The following OSBPL11 variants were observed in gnomAD, a reference collection of about 807,000 sequenced individuals.
OSBPL11 encodes oxysterol-binding protein-related protein 11.
In OSBPL11, 33 loss-of-function variants were observed where a neutral mutation model predicts 84.4. The observed-to-expected ratio is 0.39, with a 90% CI of 0.30 to 0.52. OSBPL11 has a LOEUF of 0.52. Ranked by LOEUF, OSBPL11 falls within the 20% of genes least tolerant of loss-of-function variation. The probability of loss-of-function intolerance (pLI) is 0.72; values close to 1 mark genes in which losing one functional copy is unlikely to be tolerated. For missense variants in OSBPL11, 736 were observed against 901.1 expected, an observed-to-expected ratio of 0.82 and a Z score of 2.35; for synonymous variants, 276 against 310.2, an observed-to-expected ratio of 0.89 and a Z score of 1.16.
chr3:125,565,552 A>C (rs1468700184), intron 6 of OSBPL11, among the ~76,000 whole-genome samples: 1 of 152,242 alleles, frequency 6.6e-6, no homozygotes, highest in Non-Finnish European at 1.5e-5. Flanking sequence ...ACAGGGCAAA[A>C]GAAACAAAAA....
chr3:125,553,806 T>C (rs1051806145), intron 8 of OSBPL11, among the ~76,000 whole-genome samples: 8 of 152,256 alleles, frequency 5.3e-5, no homozygotes, highest in African/African-American at 1.9e-4. Context: ...ACAGTGGATG[T>C]TGCAGGTTCA....
intron 6 of OSBPL11, among the ~76,000 whole-genome samples, chr3:125,566,883 C>G (rs1425766329): frequency 6.6e-6 from 1 of 151,728 alleles, no homozygotes; most frequent in African/African-American, 2.4e-5. Flanking sequence ...CTCCTGGGCT[C>G]GGGATCCTCC....
chr3:125,552,147 A>G lies in OSBPL11; in HGVS notation c.1654+34T>C, dbSNP rs756731716. 163 of 910,462 alleles carry G rather than the reference A, an allele frequency of 1.8e-4. 6 individuals carry two copies. The highest frequency in any genetic ancestry group is 1.5e-3 in the South Asian group (49 of 33,412). 56.4% of individuals were successfully genotyped at this position (910,462 alleles called of 1,614,324 possible). ...CATATATATATGTGTGTGTGTATAT[A>G]TATATATATATATAAAATAATTTTT... On this transcript the variant is annotated intron_variant, in intron 9 of 12. Transcript: ENST00000296220.
chr3:125,594,485 T>A, intron 1 of OSBPL11, 152 bp downstream of exon 1: 1 of 877,676 alleles, frequency 1.1e-6, no homozygotes, highest in Non-Finnish European at 1.7e-6. Context: ...TTAAATCTTT[T>A]AGGCGAGGTC....
intron 3 of OSBPL11, 29 bp from the exon 4 acceptor site, chr3:125,579,068 T>C (rs1289772002): frequency 1.9e-5 from 28 of 1,439,882 alleles, no homozygotes; most frequent in Non-Finnish European, 2.5e-5. Flanking sequence ...AATTATTTTA[T>C]ATTTATTTAT....
intron 10 of OSBPL11, among the ~76,000 whole-genome samples, chr3:125,545,892 TA>T (rs1298949555): frequency 6.6e-6 from 1 of 152,004 alleles, no homozygotes; most frequent in Admixed American, 6.6e-5. Flanking sequence ...AGAGAGCAGT[TA>T]AAAAAACTAG....
intron 9 of OSBPL11, among the ~76,000 whole-genome samples, chr3:125,551,767 G>C (rs1389616890): frequency 6.6e-6 from 1 of 151,640 alleles, no homozygotes; most frequent in Non-Finnish European, 1.5e-5. Context: ...GACAGAGCGA[G>C]ACTCCATCTC....
At chr3:125,578,912 A>C in intron 4 of OSBPL11, 48 bp downstream of exon 4, 42 of 1,146,298 alleles carry the variant, frequency 3.7e-5, no homozygotes, top group Non-Finnish European at 4.8e-5. Flanking sequence ...AATAAAAAAT[A>C]TTCCTTCCTC....
intron 5 of OSBPL11, among the ~76,000 whole-genome samples, chr3:125,571,825 C>A (rs189138718): frequency 2.0e-5 from 3 of 152,230 alleles, no homozygotes; most frequent in African/African-American, 7.2e-5. Context: ...TCATGGAGAA[C>A]CTCTGCTAGG....
intron 2 of OSBPL11, among the ~76,000 whole-genome samples, chr3:125,582,097 G>A (rs1381173510): frequency 2.0e-5 from 3 of 152,184 alleles, no homozygotes; most frequent in South Asian, 2.1e-4. Flanking sequence ...CACTTTGGGA[G>A]GCCAAGACGG....
At chr3:125,545,521 T>C (rs1935799122) in intron 10 of OSBPL11, among the ~76,000 whole-genome samples, 1 of 152,254 alleles carries the variant, frequency 6.6e-6, no homozygotes, top group African/African-American at 2.4e-5. Context: ...TCCTGGATTA[T>C]AATCTCAGAC....
intron 9 of OSBPL11, 135 bp from the exon 10 acceptor site, chr3:125,547,727 C>G (rs1935840846): frequency 3.1e-6 from 2 of 653,758 alleles, no homozygotes; most frequent in East Asian, 5.8e-5. Flanking sequence ...TTCAATGAAA[C>G]TGACTTCATT....
Position 125,579,857 on chromosome 3 carries a change from G to A in OSBPL11, c.409+8C>T. On this transcript the variant is annotated splice_region_variant and intron_variant, in intron 3 of 12. Transcript: ENST00000296220. ...ATCACAGTATTAATTCTCATATTTT[G>A]GTCATACCTCTGAGTTTATATTGTT... The A allele has an allele frequency of 6.2e-7, 1 of 1,611,802 alleles. No homozygotes were observed. Among genetic ancestry groups the A allele is most frequent in the Non-Finnish European group, 8.5e-7 (1 of 1,178,144 alleles).
At chr3:125,536,633 T>C (rs12497659) in intron 11 of OSBPL11, among the ~76,000 whole-genome samples, 27,279 of 152,150 alleles carry the variant, frequency 0.18, 3,139 homozygotes, top group African/African-American at 0.33. Context: ...ATCACATTCA[T>C]GTCTTTCATT....
At chr3:125,547,751 G>A (rs1380592444) in intron 9 of OSBPL11, among the ~76,000 whole-genome samples, 159 bp from the exon 10 acceptor site, 1 of 152,040 alleles carries the variant, frequency 6.6e-6, no homozygotes, top group African/African-American at 2.4e-5. Context: ...AACTATATCT[G>A]ACATTACCAG....
At chr3:125,582,284 G>A (rs751429565) in intron 2 of OSBPL11, among the ~76,000 whole-genome samples, 33 of 151,292 alleles carry the variant, frequency 2.2e-4, no homozygotes, top group African/African-American at 6.3e-4. Context: ...ACAGTGAGCC[G>A]AGATCATGCC....
chr3:125,531,976 G>C lies in OSBPL11; in HGVS notation c.2063C>G (p.Ser688Cys), dbSNP rs770597284. 1.9e-6 allele frequency: 3 copies of C among 1,611,724 alleles called. No individual in the cohort carries two copies. The Admixed American group carries it at 5.1e-5, about 27-fold the overall frequency. ...WKNVTDSLRE[S>C]EIDKATEHKH... is the part of the protein sequence containing the mutation. ...ATGCTCTGTGGCCTTATCAATTTCA[G>C]ATTCTCTCAGCGAGTCTGTCACATT... Residue 688 changes from serine to cysteine, a missense_variant, in exon 12 of 13, where the codon TCT becomes TGT. This residue lies in a region of OSBPL11 where 579 missense variants were observed against 717.6 expected (regional missense o/e 0.81). Coordinates refer to ENST00000296220, the MANE Select transcript of OSBPL11 (RefSeq NM_022776.5).
At chr3:125,578,146 TA>T (rs1403421186) in intron 4 of OSBPL11, among the ~76,000 whole-genome samples, 3 of 152,138 alleles carry the variant, frequency 2.0e-5, no homozygotes, top group African/African-American at 7.2e-5. Context: ...ATTGATGGAT[TA>T]AAAAAGTAGT....
chr3:125,536,368 CA>C (rs1248545069), intron 11 of OSBPL11, among the ~76,000 whole-genome samples: 1 of 152,112 alleles, frequency 6.6e-6, no homozygotes, highest in Non-Finnish European at 1.5e-5. Flanking sequence ...TTTATCCATG[CA>C]TGATTCTGTA....
Sources: gnomAD v4.1 joint callset for allele counts (sites outside exome capture counted in the v4.1 genomes callset) on GRCh38, gnomAD v4.1.1 for gene constraint, gnomAD v4.1.1 regional missense constraint, MANE v1.5 for transcripts, NCBI Gene and HGNC (gene_info 2026-07-23, HGNC 2026-07-21) for gene names.